Variants in GRM8 observed in about 807,000 individuals in gnomAD.
GRM8 encodes the protein metabotropic glutamate receptor 8.
GRM8 carries 47 observed loss-of-function variants against 87.2 expected under a neutral mutation model. That is an observed-to-expected ratio of 0.54 (90% confidence interval 0.43 to 0.69). GRM8 has a LOEUF of 0.69. Ranked by LOEUF, GRM8 falls within the 30% of genes least tolerant of loss-of-function variation. GRM8 has a pLI of 0.00. For synonymous variants in GRM8, 396 were observed against 404.5 expected (o/e 0.98, Z 0.25); for missense variants, 1,019 against 1,139.2 (o/e 0.89, Z 1.52).
chr7:127,125,538 T>G (rs577191509), intron 2 of GRM8, among the ~76,000 whole-genome samples: 1 of 152,016 alleles, frequency 6.6e-6, no homozygotes, highest in African/African-American at 2.4e-5. Context: ...GGGAAATCTC[T>G]TCAGGACAAA....
chr7:126,791,186 G>A (rs1031438122), intron 6 of GRM8, among the ~76,000 whole-genome samples: 36 of 151,996 alleles, frequency 2.4e-4, no homozygotes, highest in Admixed American at 2.4e-3. Flanking sequence ...GACCTATTCA[G>A]GCATAGCACA....
At chr7:127,062,934 T>C (rs1218424262) in intron 3 of GRM8, among the ~76,000 whole-genome samples, 1 of 152,166 alleles carries the variant, frequency 6.6e-6, no homozygotes, top group Non-Finnish European at 1.5e-5. Context: ...TAGTGGCCTA[T>C]CTATTTTATT....
intron 3 of GRM8, among the ~76,000 whole-genome samples, chr7:126,939,035 T>G (rs189700655): frequency 6.6e-6 from 1 of 152,242 alleles, no homozygotes; most frequent in Admixed American, 6.5e-5. Context: ...CATAGTATGA[T>G]TTCAATTAAT....
chr7:126,577,976 T>C, intron 8 of GRM8, among the ~76,000 whole-genome samples: 1 of 152,216 alleles, frequency 6.6e-6, no homozygotes, highest in Non-Finnish European at 1.5e-5. Context: ...TCTATTCATT[T>C]CCTTCTCTTA....
chr7:126,762,067 A>G (rs1399042567), intron 7 of GRM8, among the ~76,000 whole-genome samples: 2 of 152,312 alleles, frequency 1.3e-5, no homozygotes, highest in Middle Eastern at 3.4e-3. Flanking sequence ...CAACTCACAG[A>G]ACCACATTGT....
chr7:126,919,451 A>C (rs1010002330), intron 3 of GRM8, among the ~76,000 whole-genome samples: 9 of 152,138 alleles, frequency 5.9e-5, no homozygotes, highest in Non-Finnish European at 2.9e-5. Flanking sequence ...TACATCAGAA[A>C]ACTTTTCCAA....
At chr7:126,518,135 A>T (rs1304573928) in intron 9 of GRM8, among the ~76,000 whole-genome samples, 1 of 152,076 alleles carries the variant, frequency 6.6e-6, no homozygotes, top group Non-Finnish European at 1.5e-5. Context: ...GCAATTTATG[A>T]TACTACATTA....
intron 8 of GRM8, among the ~76,000 whole-genome samples, chr7:126,554,770 T>C (rs1451019502): frequency 2.0e-5 from 3 of 152,218 alleles, no homozygotes; most frequent in African/African-American, 7.2e-5. Flanking sequence ...TTTTCTGTTT[T>C]TGTTTCCAGT....
chr7:126,754,728 CTGT>C (rs1168555465), intron 7 of GRM8, among the ~76,000 whole-genome samples: 2 of 151,748 alleles, frequency 1.3e-5, no homozygotes, highest in African/African-American at 4.8e-5. Context: ...AACTTAAAAG[CTGT>C]TGTTATTATA....
At position 127,138,759 on chromosome 7, in the gene GRM8, C is replaced by G. The variant is rs926701501; in HGVS notation, c.511-32047G>C. 3.6e-4 allele frequency among the ~76,000 whole-genome samples: 54 copies of G among 152,060 alleles called. 1 individual carries two copies. The highest frequency in any genetic ancestry group is 1.2e-3 in the African/African-American group (50 of 41,382). On this transcript the variant is annotated intron_variant, in intron 2 of 10. Coordinates refer to ENST00000339582, the MANE Select transcript of GRM8 (RefSeq NM_000845.3). ...GAGATAAAACAACTCTCTTTAGTGA[C>G]GAAAAGCACTGAAGAGTACCCAAAA...
intron 7 of GRM8, among the ~76,000 whole-genome samples, chr7:126,719,937 C>T (rs1312251005): frequency 6.7e-6 from 1 of 149,862 alleles, no homozygotes; most frequent in Non-Finnish European, 1.5e-5. Flanking sequence ...CTTCTAATTC[C>T]AATGTTATGT....
At chr7:126,560,914 A>T (rs1310087777) in intron 8 of GRM8, among the ~76,000 whole-genome samples, 1 of 152,200 alleles carries the variant, frequency 6.6e-6, no homozygotes, top group African/African-American at 2.4e-5. Context: ...CCATGAAATC[A>T]TGTGAGCTTT....
chr7:126,532,842 C>T, intron 9 of GRM8, 110 bp downstream of exon 9: 2 of 530,024 alleles, frequency 3.8e-6, no homozygotes, highest in Non-Finnish European at 6.7e-6. Context: ...ATAGCACAGA[C>T]TGAAGCATCT....
At chr7:126,607,303 G>A (rs975264846) in intron 8 of GRM8, among the ~76,000 whole-genome samples, 3 of 152,152 alleles carry the variant, frequency 2.0e-5, no homozygotes, top group African/African-American at 7.2e-5. Flanking sequence ...AGCTGTCTGT[G>A]CATTATTAAA....
At chr7:126,643,893 G>A (rs568322614) in intron 7 of GRM8, among the ~76,000 whole-genome samples, 4 of 152,364 alleles carry the variant, frequency 2.6e-5, no homozygotes, top group East Asian at 3.9e-4. Context: ...GTGGGTCACC[G>A]AAGGTCGTGC....
At chr7:126,726,588 C>T (rs1249810200) in intron 7 of GRM8, among the ~76,000 whole-genome samples, 2 of 152,122 alleles carry the variant, frequency 1.3e-5, no homozygotes, top group Non-Finnish European at 2.9e-5. Flanking sequence ...GGTCCTATTG[C>T]CATTATCTTC....
At chr7:126,749,502 A>G (rs1462055345) in intron 7 of GRM8, among the ~76,000 whole-genome samples, 3 of 151,490 alleles carry the variant, frequency 2.0e-5, no homozygotes, top group Non-Finnish European at 1.5e-5. Flanking sequence ...TACCATTATG[A>G]AAGTGAAAAG....
intron 3 of GRM8, among the ~76,000 whole-genome samples, chr7:126,975,772 T>A (rs1020361193): frequency 6.6e-6 from 1 of 152,158 alleles, no homozygotes; most frequent in Non-Finnish European, 1.5e-5. Context: ...AACAAGAAAA[T>A]AAAATACTTA....
chr7:127,072,916 A>T (rs1255690396), intron 3 of GRM8, among the ~76,000 whole-genome samples: 1 of 152,102 alleles, frequency 6.6e-6, no homozygotes, highest in Non-Finnish European at 1.5e-5. Flanking sequence ...CAGGAGAGAC[A>T]AAGCTAGCCC....
Sources: gnomAD v4.1 joint callset for allele counts (sites outside exome capture counted in the v4.1 genomes callset) on GRCh38, gnomAD v4.1.1 for gene constraint, MANE v1.5 for transcripts, NCBI Gene and HGNC (gene_info 2026-07-23, HGNC 2026-07-21) for gene names.